TCF12: variants seen among roughly 807,000 people sequenced by gnomAD.
The protein encoded by TCF12 is transcription factor 12, also known as DNA-binding protein HTF4.
In TCF12, 45 loss-of-function variants were observed where a neutral mutation model predicts 86.0. The observed-to-expected ratio is 0.52, with a 90% CI of 0.41 to 0.67. TCF12 has a LOEUF of 0.67. Among genes scored for constraint, TCF12 ranks in the 30% least tolerant of loss-of-function variants. The pLI, the probability that TCF12 is intolerant of heterozygous loss-of-function variation, is 0.00. For synonymous variants in TCF12, 330 were observed against 299.6 expected, an observed-to-expected ratio of 1.10 and a Z score of -1.05; for missense variants, 881 against 859.9, an observed-to-expected ratio of 1.02 and a Z score of -0.31.
chr15:56,949,579 A>G (rs925654000), intron 3 of TCF12, among the ~76,000 whole-genome samples: 1 of 152,236 alleles, frequency 6.6e-6, no homozygotes, highest in East Asian at 1.9e-4. Context: ...GTGTAAGAAG[A>G]CCGGCTTTTG....
At chr15:57,290,448 G>A (rs1367974343), downstream of TCF12, among the ~76,000 whole-genome samples, 1 of 152,070 alleles carries the variant, frequency 6.6e-6, no homozygotes, top group Non-Finnish European at 1.5e-5. Flanking sequence ...CCAAGAGGAA[G>A]TTAGAAGGGT....
intron 3 of TCF12, among the ~76,000 whole-genome samples, chr15:57,044,348 G>A (rs892123580): frequency 3.9e-5 from 6 of 152,040 alleles, no homozygotes; most frequent in African/African-American, 1.4e-4. Context: ...GATCACTTGA[G>A]GTCAGGAGTT....
chr15:57,133,526 A>G (rs1166317743), intron 5 of TCF12, among the ~76,000 whole-genome samples: 5 of 151,886 alleles, frequency 3.3e-5, no homozygotes, highest in Admixed American at 6.6e-5. Context: ...AGACTGTGAA[A>G]TGGTGTGTTG....
At chr15:56,952,189 T>TATACAC (rs76965825) in intron 3 of TCF12, among the ~76,000 whole-genome samples, 8 of 150,398 alleles carry the variant, frequency 5.3e-5, no homozygotes, top group African/African-American at 1.5e-4. Context: ...TTTGTGTATA[T>TATACAC]ACACACACAC....
At chr15:56,928,067 T>C (rs1418699777) in intron 3 of TCF12, among the ~76,000 whole-genome samples, 1 of 151,936 alleles carries the variant, frequency 6.6e-6, no homozygotes, top group Non-Finnish European at 1.5e-5. Context: ...AGAGAGACAA[T>C]ATAGTGTATT....
chr15:57,223,213 A>G (rs908301290), intron 8 of TCF12, among the ~76,000 whole-genome samples: 4 of 152,002 alleles, frequency 2.6e-5, no homozygotes, highest in African/African-American at 9.7e-5. Flanking sequence ...TGAGGTCAGA[A>G]TTTGAACCCA....
At chr15:57,203,274 C>T (rs2703598) in intron 8 of TCF12, among the ~76,000 whole-genome samples, 152,049 of 152,324 alleles carry the variant, frequency 1, 75,889 homozygotes, top group East Asian at 1. Context: ...TTTTCCTTTT[C>T]TAAATCACTC....
At chr15:57,085,546 TC>T in intron 4 of TCF12, among the ~76,000 whole-genome samples, 1 of 152,294 alleles carries the variant, frequency 6.6e-6, no homozygotes, top group East Asian at 1.9e-4. Flanking sequence ...ACTGTTGTGA[TC>T]AAGTCAACCC....
At chr15:56,993,122 A>T (rs1227264359) in intron 3 of TCF12, among the ~76,000 whole-genome samples, 1 of 152,150 alleles carries the variant, frequency 6.6e-6, no homozygotes, top group African/African-American at 2.4e-5. Flanking sequence ...TCCCCAGACA[A>T]CTTAACACAA....
intron 12 of TCF12, among the ~76,000 whole-genome samples, chr15:57,235,065 G>A (rs1299684124): frequency 6.6e-6 from 1 of 152,156 alleles, no homozygotes; most frequent in East Asian, 1.9e-4. Flanking sequence ...TTTCTCTACA[G>A]CTGAATACCA....
chr15:57,169,728 A>G (rs1208836085), intron 6 of TCF12, among the ~76,000 whole-genome samples: 5 of 152,176 alleles, frequency 3.3e-5, no homozygotes, highest in Admixed American at 1.3e-4. Context: ...TTGAGACCAC[A>G]GCTAAGTCTA....
At chr15:57,276,632 T>C (rs1165238368) in intron 19 of TCF12, among the ~76,000 whole-genome samples, 5 of 152,098 alleles carry the variant, frequency 3.3e-5, no homozygotes, top group Admixed American at 6.5e-5. Context: ...AAAAAAAATA[T>C]TCTAAAGCTT....
At chr15:57,208,066 C>T (rs1427839045) in intron 8 of TCF12, among the ~76,000 whole-genome samples, 1 of 147,406 alleles carries the variant, frequency 6.8e-6, no homozygotes, top group East Asian at 2.0e-4. Flanking sequence ...CAGAGTATTG[C>T]TCAGTCGCTC....
chr15:56,964,485 C>T (rs908818960), intron 3 of TCF12, among the ~76,000 whole-genome samples: 5 of 152,120 alleles, frequency 3.3e-5, no homozygotes, highest in African/African-American at 1.2e-4. Flanking sequence ...GCTTGCTTCC[C>T]AGCCATTGCT....
chr15:57,054,330 AT>A (rs1296079465), intron 3 of TCF12, among the ~76,000 whole-genome samples: 1 of 152,234 alleles, frequency 6.6e-6, no homozygotes, highest in Admixed American at 6.5e-5. Context: ...CTTGATAGTT[AT>A]GCAGAAACTG....
intron 3 of TCF12, among the ~76,000 whole-genome samples, chr15:57,035,553 C>G (rs754993467): frequency 2.0e-5 from 3 of 152,162 alleles, no homozygotes; most frequent in Non-Finnish European, 4.4e-5. Context: ...AGGTGTGAGC[C>G]ACTAGTGCCC....
chr15:57,269,759 G>A lies in TCF12; in HGVS notation c.1746-3271G>A, dbSNP rs1182532017. Among the ~76,000 whole-genome samples the A allele has an allele frequency of 3.3e-5, 5 of 152,206 alleles. No individual in the cohort carries two copies. The South Asian group carries it at 6.2e-4, about 19-fold the overall frequency. On this transcript the variant is annotated intron_variant, in intron 18 of 20. Transcript: ENST00000333725. The stretch of plus-strand genomic sequence containing the variant: ...CTTGTAAGGCAGGCCTAGTGGTGAC[G>A]AAATCTCTCAGCATTTGCTTGTCTG...
intron 3 of TCF12, among the ~76,000 whole-genome samples, chr15:57,037,014 G>T (rs1393695912): frequency 6.6e-6 from 1 of 152,186 alleles, no homozygotes; most frequent in Admixed American, 6.5e-5. Flanking sequence ...ATTAAGTGAA[G>T]AAGTCAGTTG....
At chr15:57,215,438 G>T (rs1330663572) in intron 8 of TCF12, among the ~76,000 whole-genome samples, 1 of 152,100 alleles carries the variant, frequency 6.6e-6, no homozygotes, top group South Asian at 2.1e-4. Context: ...GGAAAATATA[G>T]TGTTCATTCG....
Sources: allele counts gnomAD v4.1 joint callset (sites outside exome capture counted in the v4.1 genomes callset), GRCh38; gene constraint gnomAD v4.1.1; transcripts MANE v1.5; gene names NCBI Gene and HGNC (gene_info 2026-07-23, HGNC 2026-07-21).